The following WIPI2 variants were observed in gnomAD, a reference collection of about 807,000 sequenced individuals.
WIPI2 encodes the protein WD repeat domain, phosphoinositide interacting 2.
Under a neutral mutation model 52.3 loss-of-function variants are expected in WIPI2, and 28 were observed. The observed-to-expected ratio is 0.54, with a 90% CI of 0.40 to 0.73. The LOEUF is 0.73. Ranked by LOEUF, WIPI2 falls within the 30% of genes least tolerant of loss-of-function variation. The probability of loss-of-function intolerance (pLI) is 0.00; values close to 1 mark genes in which losing one functional copy is unlikely to be tolerated. For synonymous variants in WIPI2, 268 were observed against 245.0 expected, an observed-to-expected ratio of 1.09 and a Z score of -0.88; for missense variants, 506 against 602.9, an observed-to-expected ratio of 0.84 and a Z score of 1.68.
intron 3 of WIPI2, among the ~76,000 whole-genome samples, chr7:5,202,444 C>G (rs561171588): frequency 6.6e-6 from 1 of 152,294 alleles, no homozygotes; most frequent in South Asian, 2.1e-4. Flanking sequence ...AGTACAGTGG[C>G]ATAATCATAG....
intron 3 of WIPI2, among the ~76,000 whole-genome samples, chr7:5,205,094 G>T (rs1421344476): frequency 1.3e-5 from 2 of 152,030 alleles, no homozygotes; most frequent in East Asian, 3.9e-4. Flanking sequence ...TCCTGCCTCA[G>T]CCTCCCAAGG....
chr7:5,225,358 G>A (rs1415750120), intron 8 of WIPI2, among the ~76,000 whole-genome samples: 1 of 152,072 alleles, frequency 6.6e-6, no homozygotes. Context: ...GGCCAGGATG[G>A]TCTCGATATC....
chr7:5,194,919 T>C (rs891125172), intron 2 of WIPI2, among the ~76,000 whole-genome samples: 4 of 152,058 alleles, frequency 2.6e-5, no homozygotes, highest in African/African-American at 9.7e-5. Flanking sequence ...AACTGCAGAA[T>C]CCCCTCCAGG....
At chr7:5,196,159 G>A (rs1057305967) in intron 2 of WIPI2, among the ~76,000 whole-genome samples, 16 of 152,008 alleles carry the variant, frequency 1.1e-4, no homozygotes, top group African/African-American at 3.9e-4. Context: ...GACCAACATG[G>A]TGAAACCCCA....
In WIPI2 at chr7:5,233,444, A is replaced by G. The variant is rs1292433478; in HGVS notation, c.*2497A>G. On this transcript the variant is annotated 3_prime_UTR_variant, in exon 13 of 13. Transcript: ENST00000288828. The stretch of plus-strand genomic sequence containing the variant: ...TAATTTTCCGAACTCCAAACTGTAC[A>G]CTCATATTCATTTTTAAATTGTATT... 1 of 152,270 alleles carries G rather than the reference A, an allele frequency of 6.6e-6. No homozygotes were observed. The allele number at this position is 152,270 out of a possible 1,614,324, so 9.4% of individuals were successfully genotyped here.
At chr7:5,209,150 T>C (rs1322681064) in intron 3 of WIPI2, among the ~76,000 whole-genome samples, 4 of 151,978 alleles carry the variant, frequency 2.6e-5, no homozygotes, top group South Asian at 2.1e-4. Flanking sequence ...CCTAAACATA[T>C]AGTTAATTTT....
chr7:5,222,451 G>C, intron 7 of WIPI2, 151 bp from the exon 8 acceptor site: 3 of 757,718 alleles, frequency 4.0e-6, no homozygotes, highest in Non-Finnish European at 6.9e-6. Context: ...TGATGTTCAA[G>C]GGGGGCCCTG....
chr7:5,207,791 A>C (rs571389381), intron 3 of WIPI2, among the ~76,000 whole-genome samples: 2 of 28,378 alleles, frequency 7.0e-5, no homozygotes, highest in African/African-American at 3.0e-4. Flanking sequence ...TTTTTTTTTG[A>C]GAGAGTCTCT....
chr7:5,197,312 G>A (rs1032572601), intron 2 of WIPI2, among the ~76,000 whole-genome samples: 1 of 152,030 alleles, frequency 6.6e-6, no homozygotes, highest in African/African-American at 2.4e-5. Flanking sequence ...GGGGAGTCCT[G>A]CTTAAAATAG....
At chr7:5,226,091 C>G (rs1055556429) in intron 9 of WIPI2, 161 bp downstream of exon 9, 4 of 670,266 alleles carry the variant, frequency 6.0e-6, no homozygotes, top group Admixed American at 2.4e-5. Flanking sequence ...CATCCAGGCT[C>G]GGCAGTGAGG....
At chr7:5,194,311 T>A (rs970479071) in intron 2 of WIPI2, among the ~76,000 whole-genome samples, 1 of 152,150 alleles carries the variant, frequency 6.6e-6, no homozygotes, top group Non-Finnish European at 1.5e-5. Context: ...TTGCTTTTGG[T>A]TTACAGTGTC....
intron 4 of WIPI2, 148 bp from the exon 5 acceptor site, chr7:5,216,415 C>T (rs1782815274): frequency 1.6e-6 from 1 of 614,856 alleles, no homozygotes; most frequent in African/African-American, 1.8e-5. Flanking sequence ...CCGGGTGACA[C>T]AGCGAGACAC....
At chr7:5,200,229 T>C (rs1374806725) in intron 3 of WIPI2, among the ~76,000 whole-genome samples, 1 of 152,210 alleles carries the variant, frequency 6.6e-6, no homozygotes, top group African/African-American at 2.4e-5. Flanking sequence ...GTAAGATTAT[T>C]GCCAGGATTA....
At chr7:5,222,083 G>C (rs992490342) in intron 7 of WIPI2, among the ~76,000 whole-genome samples, 8 of 151,428 alleles carry the variant, frequency 5.3e-5, no homozygotes, top group Non-Finnish European at 1.0e-4. Flanking sequence ...CCGAGTAGTT[G>C]GGATTACAGG....
In WIPI2 at chr7:5,199,007, C is replaced by A. The variant is rs137864834; in HGVS notation, c.129-569C>A. 4.9e-3 allele frequency among the ~76,000 whole-genome samples: 748 copies of A among 152,210 alleles called. 2 individuals are homozygous for A. The highest frequency in any genetic ancestry group is 8.1e-3 in the Non-Finnish European group (551 of 68,022). The stretch of plus-strand genomic sequence containing the variant: ...ACAGTTACTATCCTGTATGTTAGAT[C>A]TCCAGAAAAAGTTTTTTGGTTTCTT... On this transcript the variant is annotated intron_variant, in intron 2 of 12. Coordinates refer to ENST00000288828, the MANE Select transcript of WIPI2 (RefSeq NM_015610.4).
rs1583601719 is a variant in WIPI2 at position 5,231,436 on chromosome 7, A to G, written c.*489A>G. On this transcript the variant is annotated 3_prime_UTR_variant, in exon 13 of 13. Coordinates refer to ENST00000288828, the MANE Select transcript of WIPI2 (RefSeq NM_015610.4). ...CCACCAGGTGTGCTGGGCAGACTTC[A>G]GCTGGGACAGAAGTCCGATCTCCCT... The G allele has an allele frequency of 6.5e-6, 1 of 152,894 alleles. No individual in the cohort carries two copies. Among genetic ancestry groups the G allele is most frequent in the African/African-American group, 2.4e-5 (1 of 41,586 alleles). The allele number at this position is 152,894 out of a possible 1,614,324, so 9.5% of individuals were successfully genotyped here. A position where few individuals can be genotyped will look rare whatever the true frequency, so the allele number is the denominator to read the frequency against.
intron 1 of WIPI2, among the ~76,000 whole-genome samples, chr7:5,191,783 T>C (rs986096223): frequency 2.6e-5 from 4 of 152,118 alleles, no homozygotes; most frequent in African/African-American, 9.7e-5. Flanking sequence ...TTTAGGAAAT[T>C]AAAAGTGAAT....
intron 3 of WIPI2, among the ~76,000 whole-genome samples, chr7:5,206,140 A>G (rs1039331579): frequency 3.9e-5 from 6 of 152,262 alleles, no homozygotes; most frequent in Middle Eastern, 3.4e-3. Context: ...TGCTCCCAGC[A>G]TGTACATAAA....
chr7:5,217,756 C>T (rs1782893264), intron 6 of WIPI2, 166 bp from the exon 7 acceptor site: 3 of 691,832 alleles, frequency 4.3e-6, no homozygotes, highest in Admixed American at 2.4e-5. Flanking sequence ...GTTGGAGCAG[C>T]ATTTCCTTGG....
Sources: gnomAD v4.1 joint callset for allele counts (sites outside exome capture counted in the v4.1 genomes callset) on GRCh38, gnomAD v4.1.1 for gene constraint, MANE v1.5 for transcripts, NCBI Gene and HGNC (gene_info 2026-07-23, HGNC 2026-07-21) for gene names.